The following KCNIP4 variants were observed in gnomAD, a reference collection of about 807,000 sequenced individuals.
The protein encoded by KCNIP4 is potassium voltage-gated channel interacting protein 4.
Under a neutral mutation model 34.0 loss-of-function variants are expected in KCNIP4, and 12 were observed. That is an observed-to-expected ratio of 0.35 (90% CI 0.23 to 0.57). The LOEUF is 0.57. Ranked by LOEUF, KCNIP4 falls within the 20% of genes least tolerant of loss-of-function variation. The probability of loss-of-function intolerance (pLI) is 0.83; values close to 1 mark genes in which losing one functional copy is unlikely to be tolerated. For missense variants in KCNIP4, 238 were observed against 311.7 expected (o/e 0.76, Z 1.78); for synonymous variants, 124 against 102.2 (o/e 1.21, Z -1.29).
chr4:21,451,281 G>T (rs906667397), intron 1 of KCNIP4, among the ~76,000 whole-genome samples: 2 of 152,110 alleles, frequency 1.3e-5, no homozygotes, highest in African/African-American at 4.8e-5. Context: ...AGCAGCATAA[G>T]GTGAAATGTC....
intron 1 of KCNIP4, among the ~76,000 whole-genome samples, chr4:21,691,988 G>A (rs1385805533): frequency 2.6e-5 from 4 of 151,906 alleles, no homozygotes; most frequent in African/African-American, 7.3e-5. Flanking sequence ...GTGATCCACC[G>A]CACCAGGCCA....
intron 1 of KCNIP4, among the ~76,000 whole-genome samples, chr4:21,045,949 A>AT (rs1449745960): frequency 6.6e-6 from 1 of 152,124 alleles, no homozygotes; most frequent in African/African-American, 2.4e-5. Flanking sequence ...CATTAATGGG[A>AT]TTTTTTGCAA....
chr4:20,729,411 G>GAAAATTAAATGCTTATTA lies in KCNIP4; in HGVS notation c.*653_*670dup, dbSNP rs1358117745. 2.0e-5 allele frequency: 3 copies of GAAAATTAAATGCTTATTA among 152,158 alleles called. No homozygotes were observed. The highest frequency in any genetic ancestry group is 2.9e-5 in the Non-Finnish European group (2 of 67,952). The allele number at this position is 152,158 out of a possible 1,614,324, so 9.4% of individuals were successfully genotyped here. A position where few individuals can be genotyped will look rare whatever the true frequency, so the allele number is the denominator to read the frequency against. ...TAGGCCTTGGCTGTAACATATTATG[G>GAAAATTAAATGCTTATTA]AAAATTAAATGCTTATTAAAATAAG... is the stretch of plus-strand genomic sequence containing the variant. On this transcript the variant is annotated 3_prime_UTR_variant, in exon 9 of 9. Coordinates refer to ENST00000382152, the MANE Select transcript of KCNIP4 (RefSeq NM_025221.6).
At chr4:20,954,992 T>C (rs1021407206) in intron 1 of KCNIP4, among the ~76,000 whole-genome samples, 1 of 152,164 alleles carries the variant, frequency 6.6e-6, no homozygotes, top group Non-Finnish European at 1.5e-5. Context: ...TTGCAGGTAG[T>C]ATTCTGGATT....
chr4:21,352,986 G>T (rs1718173132), intron 1 of KCNIP4, among the ~76,000 whole-genome samples: 1 of 152,154 alleles, frequency 6.6e-6, no homozygotes, highest in Non-Finnish European at 1.5e-5. Flanking sequence ...AGCCTCCTCT[G>T]GTGATACCCA....
intron 1 of KCNIP4, among the ~76,000 whole-genome samples, chr4:21,228,743 G>A (rs757563711): frequency 6.6e-6 from 1 of 152,106 alleles, no homozygotes; most frequent in Non-Finnish European, 1.5e-5. Context: ...TAAACCTAGT[G>A]TTCTCCTCCC....
In KCNIP4 at chr4:20,855,677, T is replaced by C. The variant is rs542361352; in HGVS notation, c.164-5010A>G. On this transcript the variant is annotated intron_variant, in intron 2 of 8. Coordinates refer to ENST00000382152, the MANE Select transcript of KCNIP4 (RefSeq NM_025221.6). ...CCTCAAGGAGTTTACAAAAAAAAAATTGGTGATGAAACAAACACTTGGAGT... is the reference window on the plus strand; with the variant it reads ...CCTCAAGGAGTTTACAAAAAAAAAACTGGTGATGAAACAAACACTTGGAGT... Among the ~76,000 whole-genome samples the C allele has an allele frequency of 2.0e-5, 3 of 149,558 alleles. No homozygotes were observed. The South Asian group carries it at 6.4e-4, about 32-fold the overall frequency.
intron 1 of KCNIP4, among the ~76,000 whole-genome samples, chr4:21,126,547 G>A (rs1243963143): frequency 7.4e-6 from 1 of 134,398 alleles, no homozygotes. Context: ...CAGCTCTCAG[G>A]AAACACAAAA....
In KCNIP4 at chr4:20,843,149, C is replaced by T. The variant is rs543486166; in HGVS notation, c.288+7394G>A. ...TCTTGAACTCCAGGCCTAAAGTGAT[C>T]CAGCCGCCTAGGCTTCCCAAAGTGC... On this transcript the variant is annotated intron_variant, in intron 3 of 8. Coordinates refer to ENST00000382152, the MANE Select transcript of KCNIP4 (RefSeq NM_025221.6). 3.7e-4 allele frequency among the ~76,000 whole-genome samples: 57 copies of T among 152,166 alleles called. 1 individual carries two copies. The highest frequency in any genetic ancestry group is 1.2e-3 in the African/African-American group (49 of 41,534).
At chr4:21,412,118 G>A (rs184876827) in intron 1 of KCNIP4, among the ~76,000 whole-genome samples, 260 of 152,258 alleles carry the variant, frequency 1.7e-3, no homozygotes, top group Non-Finnish European at 2.9e-3. Flanking sequence ...AAGTGTAAGA[G>A]AAATGAATTG....
intron 1 of KCNIP4, among the ~76,000 whole-genome samples, chr4:21,035,331 C>G (rs188844460): frequency 1.3e-5 from 2 of 152,126 alleles, no homozygotes; most frequent in Non-Finnish European, 2.9e-5. Context: ...AATGTGACAT[C>G]CTACTAATCA....
At chr4:21,315,922 A>T (rs1713702758) in intron 1 of KCNIP4, among the ~76,000 whole-genome samples, 2 of 152,162 alleles carry the variant, frequency 1.3e-5, no homozygotes, top group African/African-American at 4.8e-5. Context: ...AACCCCTACC[A>T]ACTTTCCAAG....
At chr4:21,646,071 C>T (rs938881374) in intron 1 of KCNIP4, among the ~76,000 whole-genome samples, 6 of 152,178 alleles carry the variant, frequency 3.9e-5, no homozygotes, top group African/African-American at 1.4e-4. Context: ...TGTCTCTCAT[C>T]TGAATCATAA....
chr4:21,736,481 C>T (rs1715998327), intron 1 of KCNIP4, among the ~76,000 whole-genome samples: 1 of 152,166 alleles, frequency 6.6e-6, no homozygotes, highest in Non-Finnish European at 1.5e-5. Context: ...TGATCTTTTC[C>T]TCAGATATTT....
chr4:21,267,008 C>A (rs189708914), intron 1 of KCNIP4, among the ~76,000 whole-genome samples: 1 of 152,124 alleles, frequency 6.6e-6, no homozygotes, highest in Non-Finnish European at 1.5e-5. Flanking sequence ...GAGATGACAG[C>A]TGCTATAATG....
chr4:21,657,197 C>A (rs918585322), intron 1 of KCNIP4, among the ~76,000 whole-genome samples: 1 of 152,176 alleles, frequency 6.6e-6, no homozygotes, highest in Admixed American at 6.5e-5. Context: ...TCTGTGATCA[C>A]TTGCTTTTTA....
At chr4:21,244,574 A>G (rs908679343) in intron 1 of KCNIP4, among the ~76,000 whole-genome samples, 2 of 152,202 alleles carry the variant, frequency 1.3e-5, no homozygotes, top group Non-Finnish European at 2.9e-5. Context: ...CTAATACTAC[A>G]GAGAGGAAAA....
intron 1 of KCNIP4, among the ~76,000 whole-genome samples, chr4:21,578,363 T>TCA (rs1210878377): frequency 0.018 from 2,426 of 138,026 alleles, 105 homozygotes; most frequent in African/African-American, 0.065. Flanking sequence ...AAAAAAGAGT[T>TCA]CATGCTAGCT....
chr4:21,494,374 G>C (rs1732666288), intron 1 of KCNIP4, among the ~76,000 whole-genome samples: 1 of 150,724 alleles, frequency 6.6e-6, no homozygotes, highest in Non-Finnish European at 1.5e-5. Context: ...AAATCTAATG[G>C]GAAAAAAAAA....
Sources: allele counts gnomAD v4.1 joint callset (sites outside exome capture counted in the v4.1 genomes callset), GRCh38; gene constraint gnomAD v4.1.1; transcripts MANE v1.5; gene names NCBI Gene and HGNC (gene_info 2026-07-23, HGNC 2026-07-21).